PNPLA1: variants seen among roughly 807,000 people sequenced by gnomAD.
PNPLA1 encodes the protein omega-hydroxyceramide transacylase.
PNPLA1 carries 36 observed loss-of-function variants against 51.7 expected under a neutral mutation model. That is an observed-to-expected ratio of 0.70 (90% CI 0.53 to 0.92). The LOEUF (loss-of-function observed/expected upper bound fraction) is 0.92, where lower values mean the gene tolerates loss of function less well. Ranked by LOEUF, PNPLA1 falls within the 40% of genes least tolerant of loss-of-function variation. The probability of loss-of-function intolerance (pLI) is 0.00; values close to 1 mark genes in which losing one functional copy is unlikely to be tolerated. For synonymous variants in PNPLA1, 293 were observed against 280.1 expected (o/e 1.05, Z -0.46); for missense variants, 658 against 682.5 (o/e 0.96, Z 0.40).
intron 5 of PNPLA1, among the ~76,000 whole-genome samples, chr6:36,300,176 T>TGAGAGA (rs1246025508): frequency 0.017 from 1,220 of 71,952 alleles, 5 homozygotes; most frequent in Non-Finnish European, 0.029. Flanking sequence ...TGTGTGTGTG[T>TGAGAGA]GTGAGAGAGA....
intron 1 of PNPLA1, among the ~76,000 whole-genome samples, chr6:36,264,877 G>A (rs1769728694): frequency 6.6e-6 from 1 of 152,234 alleles, no homozygotes. Context: ...CATCTCAGCT[G>A]TGCCAAACTT....
intron 1 of PNPLA1, among the ~76,000 whole-genome samples, chr6:36,245,029 G>A (rs1165211999): frequency 6.6e-6 from 1 of 152,242 alleles, no homozygotes; most frequent in Admixed American, 6.5e-5. Flanking sequence ...TGACCTAAAA[G>A]GGTGGGACAT....
At chr6:36,285,333 A>G (rs1746397798) in intron 1 of PNPLA1, among the ~76,000 whole-genome samples, 1 of 152,038 alleles carries the variant, frequency 6.6e-6, no homozygotes, top group African/African-American at 2.4e-5. Context: ...GATTGGTTGA[A>G]CCGGAGGTTG....
chr6:36,277,635 G>A (rs1036896104), intron 1 of PNPLA1, among the ~76,000 whole-genome samples: 12 of 152,204 alleles, frequency 7.9e-5, no homozygotes, highest in Admixed American at 2.0e-4. Flanking sequence ...ACGCTGAGGC[G>A]GGAGAATTGC....
At chr6:36,270,798 G>C (rs908378496) in intron 1 of PNPLA1, 134 bp downstream of exon 1, 1 of 1,063,302 alleles carries the variant, frequency 9.4e-7, no homozygotes, top group African/African-American at 1.6e-5. Context: ...GGGAAGAGCT[G>C]GTTGGAGTAG....
At chr6:36,250,189 G>C (rs1397394043) in intron 1 of PNPLA1, among the ~76,000 whole-genome samples, 1 of 152,074 alleles carries the variant, frequency 6.6e-6, no homozygotes, top group African/African-American at 2.4e-5. Context: ...TGTGAGATGC[G>C]AGCTACTGGG....
Position 36,302,326 on chromosome 6 carries a change from C to T in PNPLA1, c.1241C>T (p.Ser414Phe). The T allele has an allele frequency of 6.2e-7, 1 of 1,613,856 alleles. No homozygotes were observed. Among genetic ancestry groups the T allele is most frequent in the Non-Finnish European group, 8.5e-7 (1 of 1,179,806 alleles). The change falls in exon 6 of 9, where the codon TCC (serine) becomes TTC (phenylalanine). Residue 414 changes from serine (S) to phenylalanine (F), a missense_variant. Coordinates refer to ENST00000636260, the MANE Select transcript of PNPLA1 (RefSeq NM_001374623.1). The part of the protein sequence containing the change: ...QVQPSGSPAR[S>F]LHSQAPTSPR... ...CAACCGTCTGGATCACCAGCCAGAT[C>T]CCTACACTCTCAGGCACCCACTTCA...
At chr6:36,272,444 C>T (rs1443635644) in intron 1 of PNPLA1, among the ~76,000 whole-genome samples, 3 of 152,182 alleles carry the variant, frequency 2.0e-5, no homozygotes, top group Non-Finnish European at 4.4e-5. Flanking sequence ...TGCTGTGCGG[C>T]CTGGTTCCTA....
intron 1 of PNPLA1, among the ~76,000 whole-genome samples, chr6:36,271,371 A>G (rs1454768413): frequency 6.6e-6 from 1 of 152,178 alleles, no homozygotes; most frequent in Non-Finnish European, 1.5e-5. Flanking sequence ...CTAGTGAGCT[A>G]CCTTGGAGGG....
chr6:36,297,889 C>CA (rs1554138562), intron 5 of PNPLA1, among the ~76,000 whole-genome samples: 1 of 70,528 alleles, frequency 1.4e-5, no homozygotes, highest in African/African-American at 3.1e-5. Flanking sequence ...CACACACACA[C>CA]CCTGTGAAAC....
chr6:36,273,037 G>A lies in PNPLA1; in HGVS notation c.205+2373G>A, dbSNP rs545285481. On this transcript the variant is annotated intron_variant, in intron 1 of 8. Coordinates refer to ENST00000636260, the MANE Select transcript of PNPLA1 (RefSeq NM_001374623.1). Reference sequence around the variant, plus strand: ...TGGAAGGCTGAGACAGGTGGATCAGGGGTTCAAGACCAGCCTGGCCAAATG... The same window carrying A: ...TGGAAGGCTGAGACAGGTGGATCAGAGGTTCAAGACCAGCCTGGCCAAATG... 3.3e-5 allele frequency among the ~76,000 whole-genome samples: 5 copies of A among 152,004 alleles called. No individual in the cohort carries two copies. In the East Asian group the frequency reaches 9.7e-4, roughly 29 times the overall value.
At position 36,302,125 on chromosome 6, in the gene PNPLA1, T is replaced by G. The variant is rs1304206566; in HGVS notation, c.1040T>G (p.Val347Gly). Residue 347 changes from valine to glycine, a missense_variant, in exon 6 of 9, where the codon GTC becomes GGC. Coordinates refer to ENST00000636260, the MANE Select transcript of PNPLA1 (RefSeq NM_001374623.1). ...FTCESPVSAP[V>G]SPLEQPPAQP... is the part of the protein sequence containing the mutation. ...TGCGAGTCACCTGTTTCAGCACCAGTCTCTCCACTTGAGCAGCCACCTGCA... is the reference window on the plus strand; with the variant it reads ...TGCGAGTCACCTGTTTCAGCACCAGGCTCTCCACTTGAGCAGCCACCTGCA... The G allele has an allele frequency of 1.9e-6, 3 of 1,614,026 alleles. No homozygotes were observed. In the African/African-American group the frequency reaches 4.0e-5, roughly 22 times the overall value.
chr6:36,279,096 T>A (rs2127330963), intron 1 of PNPLA1, among the ~76,000 whole-genome samples: 1 of 152,244 alleles, frequency 6.6e-6, no homozygotes, highest in South Asian at 2.1e-4. Flanking sequence ...CAGGTGTAGT[T>A]GCCCCCCGGT....
At position 36,275,724 on chromosome 6, in the gene PNPLA1, A is replaced by C. The variant is rs114131283; in HGVS notation, c.205+5060A>C. On this transcript the variant is annotated intron_variant, in intron 1 of 8. Coordinates refer to ENST00000636260, the MANE Select transcript of PNPLA1 (RefSeq NM_001374623.1). ...CTTCTTCCTCCTTTTTTCTTCTTCA[A>C]ATATTGCCTCCATTATGTTTGGCCC... is the stretch of plus-strand genomic sequence containing the variant. Among the ~76,000 whole-genome samples, 496 of 152,232 alleles carry C rather than the reference A, an allele frequency of 3.3e-3. 4 individuals carry two copies. Among genetic ancestry groups the C allele is most frequent in the African/African-American group, 0.011 (475 of 41,536 alleles).
At chr6:36,275,976 T>TTTC in intron 1 of PNPLA1, among the ~76,000 whole-genome samples, 1 of 136,888 alleles carries the variant, frequency 7.3e-6, no homozygotes, top group Middle Eastern at 4.6e-3. Context: ...TTCTTTCTTT[T>TTTC]GAGACAGAGT....
In PNPLA1 at chr6:36,294,355, A is replaced by T; in HGVS notation, c.670A>T (p.Asn224Tyr). 6.2e-7 allele frequency: 1 copy of T among 1,614,106 alleles called. No individual in the cohort carries two copies. Among genetic ancestry groups the T allele is most frequent in the Non-Finnish European group, 8.5e-7 (1 of 1,180,012 alleles). ...FNCSFQFSLE[N>Y]IARMTHALFP... ...CTGCTCCTTCCAGTTCTCCCTGGAG[A>T]ACATCGCCAGGATGACCCACGCATT... The change falls in exon 4 of 9, where the codon AAC (asparagine) becomes TAC (tyrosine). Residue 224 changes from asparagine (N) to tyrosine (Y), a missense_variant. Physicochemically the swap from Asn to Tyr is moderately radical, Grantham distance 143. Coordinates refer to ENST00000636260, the MANE Select transcript of PNPLA1 (RefSeq NM_001374623.1). The surrounding 1 kb of genome is among the most constrained non-coding windows in gnomAD (Gnocchi z 4.2).
chr6:36,299,232 A>G (rs1177895168), intron 5 of PNPLA1, among the ~76,000 whole-genome samples: 1 of 152,156 alleles, frequency 6.6e-6, no homozygotes, highest in Non-Finnish European at 1.5e-5. Flanking sequence ...ATAAACTGCC[A>G]AATTGTTTTC....
chr6:36,297,765 C>T (rs1225461379), intron 5 of PNPLA1, among the ~76,000 whole-genome samples: 3 of 152,144 alleles, frequency 2.0e-5, no homozygotes, highest in Non-Finnish European at 4.4e-5. Context: ...TCTAAAATAT[C>T]CATCCGGCAT....
rs760548516 is a variant in PNPLA1, at chr6:36,302,471, T to C, written c.1384+2T>C. On this transcript the variant is annotated splice_donor_variant, in intron 6 of 8. Coordinates refer to ENST00000636260, the MANE Select transcript of PNPLA1 (RefSeq NM_001374623.1). LOFTEE classifies it high-confidence loss of function. ...AACTAGGCCAAGAACAGCCCCAAGG[T>C]ATGGACCCTTCTGGCTTGTTATGAC... The C allele has an allele frequency of 3.3e-6, 5 of 1,527,096 alleles. No homozygotes were observed. In the East Asian group the frequency reaches 1.1e-4, roughly 35 times the overall value. 94.6% of individuals were successfully genotyped at this position (1,527,096 alleles called of 1,614,324 possible).
Sources: allele counts gnomAD v4.1 joint callset (sites outside exome capture counted in the v4.1 genomes callset), GRCh38; gene constraint gnomAD v4.1.1; non-coding constraint Gnocchi (gnomAD v3.1); transcripts MANE v1.5; gene names NCBI Gene and HGNC (gene_info 2026-07-23, HGNC 2026-07-21).